Variants in GALNT18 observed in about 807,000 individuals in gnomAD.
GALNT18 encodes polypeptide N-acetylgalactosaminyltransferase 18.
In GALNT18, 44 loss-of-function variants were observed where a neutral mutation model predicts 69.5. The observed-to-expected ratio is 0.63, with a 90% confidence interval of 0.50 to 0.81. The LOEUF (loss-of-function observed/expected upper bound fraction) is 0.81. Ranked by LOEUF, GALNT18 falls within the 40% of genes least tolerant of loss-of-function variation. The pLI, the probability that GALNT18 is intolerant of heterozygous loss-of-function variation, is 0.00. For synonymous variants in GALNT18, 364 were observed against 318.2 expected (o/e 1.14, Z -1.53); for missense variants, 715 against 810.0 (o/e 0.88, Z 1.42).
At chr11:11,272,079 G>C (rs1189541384) in intron 10 of GALNT18, among the ~76,000 whole-genome samples, 1 of 152,200 alleles carries the variant, frequency 6.6e-6, no homozygotes, top group Non-Finnish European at 1.5e-5. Flanking sequence ...CAAGCAGGCA[G>C]AATTGCTTTG....
In GALNT18 at chr11:11,298,585, G is replaced by A. The variant is rs12278313; in HGVS notation, c.1513-5392C>T. 6.8e-4 allele frequency among the ~76,000 whole-genome samples: 104 copies of A among 152,284 alleles called. 1 individual carries two copies. Among genetic ancestry groups the A allele is most frequent in the Admixed American group, 4.0e-3 (61 of 15,306 alleles). The stretch of plus-strand genomic sequence containing the variant: ...CAGGCCCGGGAGCTTGGTCCCGAGG[G>A]CCACCATGAACTCACCCATGAACCA... On this transcript the variant is annotated intron_variant, in intron 9 of 10. Coordinates refer to ENST00000227756, the MANE Select transcript of GALNT18 (RefSeq NM_198516.3).
At chr11:11,610,563 T>C (rs562251024) in intron 1 of GALNT18, among the ~76,000 whole-genome samples, 4 of 152,332 alleles carry the variant, frequency 2.6e-5, no homozygotes, top group African/African-American at 9.6e-5. Flanking sequence ...CCATTCTTGA[T>C]TGATTGATCT....
rs1193322304 is a variant in GALNT18 at position 11,562,737 on chromosome 11, G to A, written c.235+58622C>T. 1.3e-5 allele frequency among the ~76,000 whole-genome samples: 2 copies of A among 152,196 alleles called. No homozygotes were observed. Among genetic ancestry groups the A allele is most frequent in the Non-Finnish European group, 2.9e-5 (2 of 68,036 alleles). ...GGAGAAAGGCTCAACCACGCATTAA[G>A]TTCCTCCAAACACAAAGTGCTCTGC... On this transcript the variant is annotated intron_variant, in intron 1 of 10. Coordinates refer to ENST00000227756, the MANE Select transcript of GALNT18 (RefSeq NM_198516.3). This position sits in a 1 kb window ranked among gnomAD's most constrained non-coding sequence, Gnocchi z 4.1.
In GALNT18 at chr11:11,309,685, A is replaced by G. The variant is rs1049629717; in HGVS notation, c.1513-16492T>C. Among the ~76,000 whole-genome samples, 6 of 152,128 alleles carry G rather than the reference A, an allele frequency of 3.9e-5. No individual in the cohort carries two copies. Among genetic ancestry groups the G allele is most frequent in the African/African-American group, 1.4e-4 (6 of 41,442 alleles). On this transcript the variant is annotated intron_variant, in intron 9 of 10. Coordinates refer to ENST00000227756, the MANE Select transcript of GALNT18 (RefSeq NM_198516.3). The surrounding 1 kb of genome is among the most constrained non-coding windows in gnomAD (Gnocchi z 4.6). ...ATCTTTAACCTCAACCAGGTACTTC[A>G]ACACAACCTAGTATTACTTCTTTGG...
chr11:11,306,146 G>C (rs1383634063), intron 9 of GALNT18, among the ~76,000 whole-genome samples: 4 of 152,164 alleles, frequency 2.6e-5, no homozygotes, highest in Non-Finnish European at 5.9e-5. Flanking sequence ...GCATACAACA[G>C]TTATTCTGCA....
rs180692236 is a variant in GALNT18, at chr11:11,513,465, G to A, written c.236-64529C>T. Among the ~76,000 whole-genome samples, 16 of 152,290 alleles carry A rather than the reference G, an allele frequency of 1.1e-4. No individual in the cohort carries two copies. The East Asian group carries it at 2.1e-3, about 20-fold the overall frequency. On this transcript the variant is annotated intron_variant, in intron 1 of 10. Transcript: ENST00000227756. ...CACAGGGTCTATCTCTTTCAAAGAC[G>A]TGGGTTGTCCTTCCACATCCCACAA...
At chr11:11,431,881 T>C (rs1855272146) in intron 3 of GALNT18, among the ~76,000 whole-genome samples, 1 of 152,214 alleles carries the variant, frequency 6.6e-6, no homozygotes, top group Non-Finnish European at 1.5e-5. Context: ...TCAAGAACAC[T>C]GGTTTTTCAG....
At chr11:11,330,032 T>C (rs1376296999) in intron 8 of GALNT18, among the ~76,000 whole-genome samples, 1 of 152,182 alleles carries the variant, frequency 6.6e-6, no homozygotes, top group Admixed American at 6.5e-5. Context: ...CCATCTCTAC[T>C]CTCAGCACCA....
chr11:11,519,785 T>C (rs1036918069), intron 1 of GALNT18, among the ~76,000 whole-genome samples: 4 of 152,182 alleles, frequency 2.6e-5, no homozygotes, highest in Non-Finnish European at 5.9e-5. Context: ...TCCATGAGAC[T>C]GCAAGCAGGA....
At chr11:11,612,334 T>C (rs1486164159) in intron 1 of GALNT18, among the ~76,000 whole-genome samples, 1 of 152,218 alleles carries the variant, frequency 6.6e-6, no homozygotes, top group Non-Finnish European at 1.5e-5. Flanking sequence ...TGTAGCTCTC[T>C]TCCTCCATTC....
At chr11:11,289,015 C>A (rs887353154) in intron 10 of GALNT18, among the ~76,000 whole-genome samples, 6 of 152,046 alleles carry the variant, frequency 3.9e-5, no homozygotes, top group Admixed American at 1.3e-4. Context: ...TCCTTTCAGC[C>A]CAACTTGAGT....
At chr11:11,409,574 A>G (rs1201599954) in intron 3 of GALNT18, among the ~76,000 whole-genome samples, 1 of 151,900 alleles carries the variant, frequency 6.6e-6, no homozygotes, top group African/African-American at 2.4e-5. Context: ...GTACCCAGAT[A>G]ACTCCCCGTA....
rs1211296057 is a variant in GALNT18 at position 11,540,648 on chromosome 11, G to A, written c.235+80711C>T. On this transcript the variant is annotated intron_variant, in intron 1 of 10. Coordinates refer to ENST00000227756, the MANE Select transcript of GALNT18 (RefSeq NM_198516.3). This position sits in a 1 kb window ranked among gnomAD's most constrained non-coding sequence, Gnocchi z 4.6. ...TTGGCCTGCCCTGCGATTTGGGGGTGATGCTTTGTGATTTTTCCTGCCACC... is the reference window on the plus strand; with the variant it reads ...TTGGCCTGCCCTGCGATTTGGGGGTAATGCTTTGTGATTTTTCCTGCCACC... Among the ~76,000 whole-genome samples, 2 of 152,154 alleles carry A rather than the reference G, an allele frequency of 1.3e-5. No individual in the cohort carries two copies. The highest frequency in any genetic ancestry group is 3.9e-4 in the East Asian group (2 of 5,182).
chr11:11,279,552 A>C (rs1849022762), intron 10 of GALNT18, among the ~76,000 whole-genome samples: 1 of 152,160 alleles, frequency 6.6e-6, no homozygotes, highest in Non-Finnish European at 1.5e-5. Flanking sequence ...CTCACGGTAT[A>C]TTCATATAAT....
intron 1 of GALNT18, among the ~76,000 whole-genome samples, chr11:11,489,572 G>A (rs1856719827): frequency 6.6e-6 from 1 of 152,184 alleles, no homozygotes; most frequent in African/African-American, 2.4e-5. Flanking sequence ...AGTTTGGCAG[G>A]CAGAGCTTGG....
intron 1 of GALNT18, among the ~76,000 whole-genome samples, chr11:11,495,561 T>C (rs1856852761): frequency 1.3e-5 from 2 of 152,192 alleles, no homozygotes; most frequent in Non-Finnish European, 2.9e-5. Context: ...AAGTGGAATC[T>C]AAGATGAAGT....
intron 9 of GALNT18, among the ~76,000 whole-genome samples, chr11:11,307,167 C>T (rs528983501): frequency 4.7e-5 from 4 of 84,964 alleles, no homozygotes; most frequent in African/African-American, 1.4e-4. Flanking sequence ...TGCCTGCTCT[C>T]AGGAAAAAAA....
intron 3 of GALNT18, among the ~76,000 whole-genome samples, chr11:11,412,394 T>C (rs1045741267): frequency 6.6e-6 from 1 of 152,158 alleles, no homozygotes; most frequent in Non-Finnish European, 1.5e-5. Context: ...AAGCTTTGGA[T>C]CCCCGATCCC....
intron 1 of GALNT18, among the ~76,000 whole-genome samples, chr11:11,456,692 G>A (rs753400905): frequency 1.9e-4 from 29 of 152,134 alleles, no homozygotes; most frequent in Non-Finnish European, 3.1e-4. Flanking sequence ...TCCTTCCTAG[G>A]TGGGCCCCTG....
Sources: allele counts gnomAD v4.1 joint callset (sites outside exome capture counted in the v4.1 genomes callset), GRCh38; gene constraint gnomAD v4.1.1; non-coding constraint Gnocchi (gnomAD v3.1); transcripts MANE v1.5; gene names NCBI Gene and HGNC (gene_info 2026-07-23, HGNC 2026-07-21).